The following CD82 variants were observed in gnomAD, a reference collection of about 807,000 sequenced individuals.
CD82 encodes CD82 molecule, also known as CD82 antigen.
A neutral mutation model predicts 37.4 loss-of-function variants in CD82; 36 were observed. That is an observed-to-expected ratio of 0.96 (90% confidence interval 0.74 to 1.27). The LOEUF (loss-of-function observed/expected upper bound fraction) is 1.27. Among genes scored for constraint, CD82 ranks in the 50% most tolerant of loss-of-function variants. The pLI, the probability that CD82 is intolerant of heterozygous loss-of-function variation, is 0.00. For synonymous variants in CD82, 158 were observed against 137.4 expected (o/e 1.15, Z -1.05); for missense variants, 340 against 347.0 (o/e 0.98, Z 0.16).
chr11:44,565,510 G>C (rs1478871847), upstream of CD82: 2 of 151,976 alleles, frequency 1.3e-5, no homozygotes, highest in East Asian at 3.9e-4. Context: ...TAGTGGGCGG[G>C]GCCTGGCCGG....
Position 44,618,338 on chromosome 11 carries a change from CCCTGAGGACTGG to C in CD82, c.620_631del (p.Glu207_Pro210del). The C allele has an allele frequency of 6.2e-7, 1 of 1,613,492 alleles. No homozygotes were observed. The highest frequency in any genetic ancestry group is 1.1e-5 in the South Asian group (1 of 91,074). On this transcript the variant is annotated inframe_deletion, in exon 8 of 10. Transcript: ENST00000227155. ...GCAACAGGACCCAGAGTGGCAACCA[CCCTGAGGACTGG>C]CCTGTGTACCAGGAGGTGTGCGGGG... is the stretch of plus-strand genomic sequence containing the variant.
chr11:44,594,726 G>A lies in CD82; in HGVS notation c.63+1G>A, dbSNP rs560285146. 6.8e-6 allele frequency: 11 copies of A among 1,612,190 alleles called. No individual in the cohort carries two copies. The highest frequency in any genetic ancestry group is 9.3e-6 in the Non-Finnish European group (11 of 1,178,344). On this transcript the variant is annotated splice_donor_variant, in intron 3 of 9. Transcript: ENST00000227155. LOFTEE classifies it high-confidence loss of function. The stretch of plus-strand genomic sequence containing the variant: ...CTTCCTCTTCAACTTGATCTTCTTT[G>A]TAAGTATGTCCCATGCCGTCCTGAC...
At chr11:44,572,568 G>T (rs1037371079) in intron 1 of CD82, among the ~76,000 whole-genome samples, 34 of 152,220 alleles carry the variant, frequency 2.2e-4, no homozygotes, top group Admixed American at 1.6e-3. Context: ...AGACTTGGAG[G>T]GAGTGCCTAT....
chr11:44,572,316 C>A (rs1242559026), intron 1 of CD82, among the ~76,000 whole-genome samples: 1 of 152,208 alleles, frequency 6.6e-6, no homozygotes, highest in Non-Finnish European at 1.5e-5. Context: ...GATTACAGAC[C>A]TTTATTATCT....
At position 44,613,553 on chromosome 11, in the gene CD82, T is replaced by C. The variant is rs542560133; in HGVS notation, c.337-1719T>C. Reference sequence around the variant, plus strand: ...AGATGTAGATTTGGGCCAGGCGAGGTGTCTCAGGCCTGTAATCCCAGCACA... The same window carrying C: ...AGATGTAGATTTGGGCCAGGCGAGGCGTCTCAGGCCTGTAATCCCAGCACA... On this transcript the variant is annotated intron_variant, in intron 6 of 9. Transcript: ENST00000227155. 2.6e-5 allele frequency among the ~76,000 whole-genome samples: 4 copies of C among 152,198 alleles called. No homozygotes were observed. The East Asian group carries it at 7.7e-4, about 29-fold the overall frequency.
chr11:44,609,475 G>C (rs1240931619), intron 6 of CD82, among the ~76,000 whole-genome samples: 1 of 152,104 alleles, frequency 6.6e-6, no homozygotes, highest in Non-Finnish European at 1.5e-5. Context: ...GGCTCACTTG[G>C]CCTGGCTGGG....
chr11:44,574,621 G>A (rs1413203326), intron 1 of CD82, among the ~76,000 whole-genome samples: 1 of 152,102 alleles, frequency 6.6e-6, no homozygotes, highest in African/African-American at 2.4e-5. Flanking sequence ...TTTTGTGTGT[G>A]TGGAAAAATT....
intron 2 of CD82, among the ~76,000 whole-genome samples, chr11:44,590,124 C>T (rs781678175): frequency 2.7e-5 from 4 of 150,932 alleles, no homozygotes; most frequent in South Asian, 2.1e-4. Flanking sequence ...TGAGCCACCG[C>T]GCCTGGCGAC....
At chr11:44,618,867 C>A in intron 9 of CD82, 144 bp downstream of exon 9, 1 of 843,488 alleles carries the variant, frequency 1.2e-6, no homozygotes, top group Non-Finnish European at 1.9e-6. Context: ...CACTGTCTGG[C>A]TGTGTGACCT....
intron 6 of CD82, among the ~76,000 whole-genome samples, chr11:44,612,953 C>A (rs116106481): frequency 1.3e-5 from 2 of 152,084 alleles, no homozygotes; most frequent in Non-Finnish European, 2.9e-5. Context: ...TTAATTTAAC[C>A]AAGGGAGCTG....
intron 3 of CD82, among the ~76,000 whole-genome samples, chr11:44,598,625 G>T (rs558866025): frequency 6.6e-6 from 1 of 152,064 alleles, no homozygotes; most frequent in Admixed American, 6.5e-5. Flanking sequence ...GGCCAGGCTG[G>T]TCTCAAACTC....
intron 1 of CD82, among the ~76,000 whole-genome samples, chr11:44,575,706 A>T: frequency 6.6e-6 from 1 of 152,072 alleles, no homozygotes. Context: ...TGTCCTGTTT[A>T]ATAAAGGCTC....
At chr11:44,600,009 A>G (rs1036646430) in intron 3 of CD82, 149 bp from the exon 4 acceptor site, 4 of 701,868 alleles carry the variant, frequency 5.7e-6, no homozygotes, top group Non-Finnish European at 9.9e-6. Context: ...ACCGGAGGCC[A>G]TCTGGACATC....
rs576017432 is a variant in CD82, at chr11:44,600,357, G to T, written c.136+127G>T. 28 of 854,682 alleles carry T rather than the reference G, an allele frequency of 3.3e-5. 1 individual carries two copies. In the East Asian group the frequency reaches 6.8e-4, roughly 21 times the overall value. The allele number at this position is 854,682 out of a possible 1,614,324, so 52.9% of individuals were successfully genotyped here. A position where few individuals can be genotyped will look rare whatever the true frequency, so the allele number is the denominator to read the frequency against. ...TGCTTTTCCCGCTGACCTCAGGGAT[G>T]TGGCGAGGTCCTGCTGCCCACCACT... On this transcript the variant is annotated intron_variant, in intron 4 of 9. Coordinates refer to ENST00000227155, the MANE Select transcript of CD82 (RefSeq NM_002231.4).
intron 1 of CD82, among the ~76,000 whole-genome samples, chr11:44,583,016 G>A (rs976778343): frequency 5.9e-5 from 9 of 152,212 alleles, no homozygotes; most frequent in Non-Finnish European, 1.3e-4. Flanking sequence ...AAGGGGTGGG[G>A]GTAGGGGTTC....
intron 2 of CD82, among the ~76,000 whole-genome samples, chr11:44,593,845 T>C (rs774875987): frequency 2.2e-4 from 33 of 152,066 alleles, no homozygotes; most frequent in Non-Finnish European, 4.6e-4. Context: ...CAAATGTTAA[T>C]AAGTACTAAT....
intron 7 of CD82, among the ~76,000 whole-genome samples, chr11:44,617,939 C>T (rs894562848): frequency 1.2e-4 from 19 of 152,186 alleles, no homozygotes; most frequent in African/African-American, 2.4e-4. Flanking sequence ...TGCACACCTG[C>T]GCTCCTTCAA....
intron 2 of CD82, among the ~76,000 whole-genome samples, chr11:44,592,301 C>T (rs1016285933): frequency 3.3e-5 from 5 of 152,218 alleles, no homozygotes; most frequent in Non-Finnish European, 7.3e-5. Context: ...CACAAGGATG[C>T]CAATGGCCCC....
In CD82 at chr11:44,618,734, C is replaced by A; in HGVS notation, c.726+11C>A. On this transcript the variant is annotated intron_variant, in intron 9 of 9. Coordinates refer to ENST00000227155, the MANE Select transcript of CD82 (RefSeq NM_002231.4). ...GTGGCCATCATCGAGGTCTGAGCCCCCTCCCCCATCCCTTCTCCATCCCAG... is the reference window on the plus strand; with the variant it reads ...GTGGCCATCATCGAGGTCTGAGCCCACTCCCCCATCCCTTCTCCATCCCAG... The A allele has an allele frequency of 6.2e-7, 1 of 1,606,076 alleles. No homozygotes were observed. Among genetic ancestry groups the A allele is most frequent in the Non-Finnish European group, 8.5e-7 (1 of 1,173,622 alleles).
Sources: allele counts gnomAD v4.1 joint callset (sites outside exome capture counted in the v4.1 genomes callset), GRCh38; gene constraint gnomAD v4.1.1; transcripts MANE v1.5; gene names NCBI Gene and HGNC (gene_info 2026-07-23, HGNC 2026-07-21).